ANKRD30A: variants seen among roughly 807,000 people sequenced by gnomAD.
ANKRD30A encodes the protein ankyrin repeat domain 30A.
In ANKRD30A, 170 loss-of-function variants were observed where a neutral mutation model predicts 166.3. The observed-to-expected ratio is 1.02, with a 90% CI of 0.90 to 1.16. The LOEUF is 1.16. Ranked by LOEUF, ANKRD30A falls within the 50% of genes most tolerant of loss-of-function variation. The pLI, the probability that ANKRD30A is intolerant of heterozygous loss-of-function variation, is 0.00. For missense variants in ANKRD30A, 1,630 were observed against 1,518.0 expected, an observed-to-expected ratio of 1.07 and a Z score of -1.23; for synonymous variants, 564 against 508.9, an observed-to-expected ratio of 1.11 and a Z score of -1.46.
intron 1 of ANKRD30A, among the ~76,000 whole-genome samples, chr10:37,127,842 T>C (rs1836145088): frequency 6.6e-6 from 1 of 152,124 alleles, no homozygotes; most frequent in African/African-American, 2.4e-5. Context: ...AAATAGACAA[T>C]TTGATGGTAA....
chr10:37,241,547 G>A, the ANKRD30A span, among the ~76,000 whole-genome samples: 1 of 151,792 alleles, frequency 6.6e-6, no homozygotes, highest in South Asian at 2.1e-4. Context: ...GATTCAATAG[G>A]CAGCTATTTA....
chr10:37,235,354 A>G (rs1404335495), downstream of ANKRD30A, among the ~76,000 whole-genome samples: 2 of 152,190 alleles, frequency 1.3e-5, no homozygotes, highest in African/African-American at 4.8e-5. Flanking sequence ...CACGTATTTA[A>G]TACTCACAAA....
chr10:37,265,572 G>A, the ANKRD30A span, among the ~76,000 whole-genome samples: 1 of 152,174 alleles, frequency 6.6e-6, no homozygotes, highest in Admixed American at 6.5e-5. Flanking sequence ...ACAGCCAAAT[G>A]CCCACTGCCC....
chr10:37,167,042 G>A (rs979148029), intron 19 of ANKRD30A, among the ~76,000 whole-genome samples: 1 of 152,062 alleles, frequency 6.6e-6, no homozygotes. Flanking sequence ...ATGTAATGGA[G>A]GATGATAAAA....
the ANKRD30A span, among the ~76,000 whole-genome samples, chr10:37,265,199 T>G: frequency 6.6e-6 from 1 of 152,166 alleles, no homozygotes; most frequent in Non-Finnish European, 1.5e-5. Flanking sequence ...ATTACCTTTT[T>G]CTAGTGCATG....
chr10:37,250,608 G>A, the ANKRD30A span, among the ~76,000 whole-genome samples: 1 of 152,146 alleles, frequency 6.6e-6, no homozygotes, highest in African/African-American at 2.4e-5. Context: ...AAGAGATGGG[G>A]CCTCTTGGAG....
At chr10:37,129,703 T>C (rs1836260314) in intron 1 of ANKRD30A, among the ~76,000 whole-genome samples, 190 bp from the exon 2 acceptor site, 1 of 152,208 alleles carries the variant, frequency 6.6e-6, no homozygotes, top group Non-Finnish European at 1.5e-5. Context: ...TCTATTCAAA[T>C]AGGCCACTCT....
At chr10:37,154,464 T>A (rs1441897558) in intron 13 of ANKRD30A, among the ~76,000 whole-genome samples, 1 of 152,022 alleles carries the variant, frequency 6.6e-6, no homozygotes, top group Non-Finnish European at 1.5e-5. Flanking sequence ...AACAATTGGA[T>A]AGAAGGTCAA....
intron 27 of ANKRD30A, among the ~76,000 whole-genome samples, chr10:37,196,043 G>A (rs553073180): frequency 4.8e-4 from 73 of 151,088 alleles, no homozygotes; most frequent in African/African-American, 1.0e-3. Context: ...ATTTGAAACA[G>A]TGTTGTATGG....
intron 27 of ANKRD30A, among the ~76,000 whole-genome samples, chr10:37,193,691 TA>T (rs952861662): frequency 1.2e-4 from 18 of 152,070 alleles, no homozygotes; most frequent in African/African-American, 3.4e-4. Context: ...GTTTTTTTTT[TA>T]TTAGATGACT....
chr10:37,131,884 A>G (rs1271034913), intron 3 of ANKRD30A, among the ~76,000 whole-genome samples: 6 of 152,190 alleles, frequency 3.9e-5, no homozygotes, highest in African/African-American at 1.4e-4. Context: ...ACTAAATTAG[A>G]ATACTACTTT....
chr10:37,154,633 T>C (rs17606285), intron 13 of ANKRD30A, among the ~76,000 whole-genome samples: 1 of 152,048 alleles, frequency 6.6e-6, no homozygotes, highest in Non-Finnish European at 1.5e-5. Context: ...TCACAGGTGT[T>C]GAATGGGAAG....
At chr10:37,161,709 G>C (rs1299957348) in intron 15 of ANKRD30A, among the ~76,000 whole-genome samples, 16 of 152,192 alleles carry the variant, frequency 1.1e-4, no homozygotes, top group Middle Eastern at 3.4e-3. Context: ...TACAATCAGG[G>C]AAGACAAATA....
chr10:37,162,760 T>G lies in ANKRD30A; in HGVS notation c.1930-16T>G. 1 of 1,613,744 alleles carries G rather than the reference T, an allele frequency of 6.2e-7. No homozygotes were observed. Among genetic ancestry groups the G allele is most frequent in the Non-Finnish European group, 8.5e-7 (1 of 1,179,796 alleles). The stretch of plus-strand genomic sequence containing the variant: ...ATACATTCTTTATTAATCATTTTGC[T>G]TCCAACCCCATTTAGCCTGCCACTG... On this transcript the variant is annotated splice_polypyrimidine_tract_variant and intron_variant, in intron 16 of 35. Transcript: ENST00000361713.
chr10:37,249,068 G>A, the ANKRD30A span, among the ~76,000 whole-genome samples: 1 of 152,158 alleles, frequency 6.6e-6, no homozygotes, highest in African/African-American at 2.4e-5. Context: ...TGGTTCCTGG[G>A]CCATCAGTGA....
Position 37,132,524 on chromosome 10 carries a change from G to C in ANKRD30A, c.617+178G>C, listed in dbSNP as rs374790324. Among the ~76,000 whole-genome samples, 15 of 152,282 alleles carry C rather than the reference G, an allele frequency of 9.9e-5. No homozygotes were observed. The East Asian group carries it at 1.9e-3, about 20-fold the overall frequency. On this transcript the variant is annotated intron_variant, in intron 4 of 35. Coordinates refer to ENST00000361713, the MANE Select transcript of ANKRD30A (RefSeq NM_052997.3). Reference sequence around the variant, plus strand: ...TGGTCAACATAAAGAACAGTATATAGTAGGACTTCTCTTATTATATTGACT... The same window carrying C: ...TGGTCAACATAAAGAACAGTATATACTAGGACTTCTCTTATTATATTGACT...
chr10:37,225,596 T>C (rs1489882268), intron 34 of ANKRD30A, among the ~76,000 whole-genome samples: 1 of 151,858 alleles, frequency 6.6e-6, no homozygotes, highest in Non-Finnish European at 1.5e-5. Flanking sequence ...AATCTGTCAG[T>C]GCTTTGAGCA....
chr10:37,223,317 GA>G (rs1392163634), intron 34 of ANKRD30A, among the ~76,000 whole-genome samples: 1 of 150,294 alleles, frequency 6.7e-6, no homozygotes, highest in Non-Finnish European at 1.5e-5. Context: ...AATAGAAAAA[GA>G]AAAAGAAAAA....
At chr10:37,136,848 T>TATAC (rs1836727944) in intron 6 of ANKRD30A, among the ~76,000 whole-genome samples, 177 bp downstream of exon 6, 1 of 151,026 alleles carries the variant, frequency 6.6e-6, no homozygotes, top group African/African-American at 2.4e-5. Flanking sequence ...TATATATATA[T>TATAC]ATAGCTTTGA....
Sources: allele counts gnomAD v4.1 joint callset (sites outside exome capture counted in the v4.1 genomes callset), GRCh38; gene constraint gnomAD v4.1.1; transcripts MANE v1.5; gene names NCBI Gene and HGNC (gene_info 2026-07-23, HGNC 2026-07-21).